ZNF75A: variants seen among roughly 807,000 people sequenced by gnomAD.
The protein encoded by ZNF75A is zinc finger protein 75A.
In ZNF75A, 36 loss-of-function variants were observed where a neutral mutation model predicts 46.3. The observed-to-expected ratio is 0.78, with a 90% CI of 0.60 to 1.03. The LOEUF is 1.03. Ranked by LOEUF, ZNF75A falls within the 50% of genes least tolerant of loss-of-function variation. The pLI is 0.00. For missense variants in ZNF75A, 595 were observed against 551.3 expected (o/e 1.08, Z -0.79); for synonymous variants, 234 against 189.9 (o/e 1.23, Z -1.91).
downstream of ZNF75A, among the ~76,000 whole-genome samples, chr16:3,320,586 C>G (rs1392601134): frequency 6.6e-6 from 1 of 152,174 alleles, no homozygotes; most frequent in East Asian, 1.9e-4. Flanking sequence ...GAGGTCAGTT[C>G]AAGGGGACAA....
At chr16:3,322,870 T>A, downstream of ZNF75A, 2 of 984,518 alleles carry the variant, frequency 2.0e-6, no homozygotes, top group Non-Finnish European at 2.4e-6. Context: ...TTAGGAAGCC[T>A]TGTACAAATG....
rs769118305 is a variant in ZNF75A at position 3,317,042 on chromosome 16, T to A, written c.934+20T>A. On this transcript the variant is annotated intron_variant, in intron 6 of 6. Transcript: ENST00000669516. The stretch of plus-strand genomic sequence containing the variant: ...CTACAGGTAAATATACCATGGGAAG[T>A]GGAGAAATGTGCCTTGATGTGAACT... The A allele has an allele frequency of 1.9e-5, 30 of 1,597,212 alleles. No homozygotes were observed. The highest frequency in any genetic ancestry group is 2.6e-5 in the Non-Finnish European group (30 of 1,167,624).
chr16:3,321,353 G>C (rs533826652), downstream of ZNF75A, among the ~76,000 whole-genome samples: 102 of 152,286 alleles, frequency 6.7e-4, no homozygotes, highest in African/African-American at 2.3e-3. Context: ...TTATTTCAGA[G>C]AACTGTATCA....
intron 5 of ZNF75A, chr16:3,314,600 C>T (rs1961058398): frequency 1.1e-6 from 1 of 906,658 alleles, no homozygotes; most frequent in African/African-American, 1.8e-5. Context: ...TTTTCTTCTG[C>T]CTTCGCCCCC....
chr16:3,308,326 A>G lies in ZNF75A; in HGVS notation c.-103A>G, dbSNP rs1960442846. On this transcript the variant is annotated 5_prime_UTR_variant, in exon 2 of 7. Coordinates refer to ENST00000669516, the MANE Select transcript of ZNF75A (RefSeq NM_001302109.2). Reference sequence around the variant, plus strand: ...TCTTGTCCTCAGTGCTTTTAGGAAGAAGATCCTTTTATTGCTTTTGTACAA... The same window carrying G: ...TCTTGTCCTCAGTGCTTTTAGGAAGGAGATCCTTTTATTGCTTTTGTACAA... The G allele has an allele frequency of 2.4e-6, 2 of 824,486 alleles. No individual in the cohort carries two copies. The highest frequency in any genetic ancestry group is 2.9e-6 in the Non-Finnish European group (2 of 682,698). 51.1% of individuals were successfully genotyped at this position (824,486 alleles called of 1,614,324 possible).
chr16:3,311,330 T>C (rs59683517), intron 2 of ZNF75A, among the ~76,000 whole-genome samples: 9,447 of 151,374 alleles, frequency 0.062, 1,002 homozygotes, highest in African/African-American at 0.21. Context: ...CCCAGCTACT[T>C]GGAAGGCTGA....
chr16:3,313,850 G>T (rs1339292744), intron 5 of ZNF75A, among the ~76,000 whole-genome samples: 1 of 152,138 alleles, frequency 6.6e-6, no homozygotes, highest in Non-Finnish European at 1.5e-5. Context: ...CTGCTCATCT[G>T]TCTGCCCTCA....
rs774487495 is a variant in ZNF75A, at chr16:3,317,769, G to A, written c.1514G>A (p.Arg505Gln). Residue 505 changes from arginine (R) to glutamine (Q), a missense_variant, in exon 7 of 7, where the codon CGG (arginine) becomes CAG (glutamine). By Grantham distance (43) the Arg-to-Gln change is conservative. Transcript: ENST00000669516. ...CAGAACTCCCACCTTATTAAACACC[G>A]GAGAACCCACACAGGTGAGCAGCCA... ...FSQNSHLIKH[R>Q]RTHTGEQPYT... The A allele has an allele frequency of 8.2e-5, 132 of 1,613,986 alleles. No homozygotes were observed. The highest frequency in any genetic ancestry group is 1.6e-4 in the Middle Eastern group (1 of 6,084).
At position 3,318,135 on chromosome 16, in the gene ZNF75A, T is replaced by C. The variant is rs1417921654; in HGVS notation, c.*266T>C. The C allele has an allele frequency of 3.3e-6, 4 of 1,198,932 alleles. No homozygotes were observed. The African/African-American group carries it at 6.3e-5, about 19-fold the overall frequency. The allele number at this position is 1,198,932 out of a possible 1,614,324, so 74.3% of individuals were successfully genotyped here. On this transcript the variant is annotated 3_prime_UTR_variant, in exon 7 of 7. Transcript: ENST00000669516. ...AATAGAAACATTGGCAGCATGGTCT[T>C]CCAAAACAAAAAGCAGTAACATGCA... is the stretch of plus-strand genomic sequence containing the variant.
At chr16:3,310,771 C>A in intron 2 of ZNF75A, 1 of 985,386 alleles carries the variant, frequency 1.0e-6, no homozygotes, top group Non-Finnish European at 1.2e-6. Flanking sequence ...TGGGTAATGT[C>A]CTCCCTATAG....
At chr16:3,316,653 A>G in intron 5 of ZNF75A, 1 of 273,724 alleles carries the variant, frequency 3.7e-6, no homozygotes, top group Non-Finnish European at 6.9e-6. Context: ...GGCAAAAGAG[A>G]GAGAACATGT....
chr16:3,318,454 G>A lies in ZNF75A; in HGVS notation c.*585G>A, dbSNP rs1002077168. The A allele has an allele frequency of 4.1e-6, 4 of 985,454 alleles. No homozygotes were observed. Among genetic ancestry groups the A allele is most frequent in the South Asian group, 4.7e-5 (1 of 21,288 alleles). The allele number at this position is 985,454 out of a possible 1,614,324, so 61.0% of individuals were successfully genotyped here. On this transcript the variant is annotated 3_prime_UTR_variant, in exon 7 of 7. Transcript: ENST00000669516. ...GCACTGTCTTATGCCTCTCATTGGT[G>A]ATGTTTGGAAAATAGAAGACATCTC...
At chr16:3,316,623 GT>G in intron 5 of ZNF75A, 1 of 212,396 alleles carries the variant, frequency 4.7e-6, no homozygotes, top group South Asian at 1.3e-4. Flanking sequence ...TTCCCCCTTG[GT>G]TGGATATAGG....
At chr16:3,311,060 AT>A in intron 2 of ZNF75A, 1 of 605,602 alleles carries the variant, frequency 1.7e-6, no homozygotes, top group Non-Finnish European at 2.1e-6. Context: ...ATTTATTTGA[AT>A]TTTAGAGAAA....
At chr16:3,307,524 G>C (rs1960382435) in intron 1 of ZNF75A, 1 of 151,844 alleles carries the variant, frequency 6.6e-6, no homozygotes. Context: ...TTTATTTTTA[G>C]TTTTTAAATT....
At chr16:3,311,049 C>A (rs756504225) in intron 2 of ZNF75A, 16 of 670,308 alleles carry the variant, frequency 2.4e-5, no homozygotes, top group Non-Finnish European at 2.9e-5. Context: ...CTTTTAAATT[C>A]ATTTATTTGA....
intron 5 of ZNF75A, among the ~76,000 whole-genome samples, chr16:3,315,826 T>A (rs1408566796): frequency 6.6e-6 from 1 of 152,156 alleles, no homozygotes. Context: ...AATCTAAACT[T>A]CTTACCAAGG....
At chr16:3,321,145 A>G (rs2029923844), downstream of ZNF75A, among the ~76,000 whole-genome samples, 1 of 152,212 alleles carries the variant, frequency 6.6e-6, no homozygotes, top group Non-Finnish European at 1.5e-5. Flanking sequence ...CATGATATTA[A>G]AATCTATTGA....
chr16:3,310,772 C>G (rs1212421711), intron 2 of ZNF75A: 1 of 985,278 alleles, frequency 1.0e-6, no homozygotes, highest in Non-Finnish European at 1.2e-6. Context: ...GGGTAATGTC[C>G]TCCCTATAGT....
Sources: gnomAD v4.1 joint callset for allele counts (sites outside exome capture counted in the v4.1 genomes callset) on GRCh38, gnomAD v4.1.1 for gene constraint, MANE v1.5 for transcripts, NCBI Gene and HGNC (gene_info 2026-07-23, HGNC 2026-07-21) for gene names.